MSL2: variants seen among roughly 807,000 people sequenced by gnomAD.
MSL2 encodes the protein E3 ubiquitin-protein ligase MSL2.
In MSL2, 2 loss-of-function variants were observed where a neutral mutation model predicts 35.8. The observed-to-expected ratio is 0.06, with a 90% CI of 0.02 to 0.18. The LOEUF (loss-of-function observed/expected upper bound fraction) is 0.18. Ranked by LOEUF, MSL2 falls within the 10% of genes least tolerant of loss-of-function variation. The probability of loss-of-function intolerance (pLI) is 1.00; values close to 1 mark genes in which losing one functional copy is unlikely to be tolerated. For missense variants in MSL2, 523 were observed against 706.7 expected, an observed-to-expected ratio of 0.74 and a Z score of 2.95; for synonymous variants, 296 against 255.7, an observed-to-expected ratio of 1.16 and a Z score of -1.50.
At chr3:136,160,442 T>C (rs945823321) in intron 1 of MSL2, among the ~76,000 whole-genome samples, 6 of 116,440 alleles carry the variant, frequency 5.2e-5, no homozygotes, top group Non-Finnish European at 7.0e-5. Flanking sequence ...AAAAAAACAA[T>C]GCAAGCCAGG....
intron 1 of MSL2, among the ~76,000 whole-genome samples, chr3:136,179,855 CAAGAG>C (rs1940285993): frequency 6.6e-6 from 1 of 152,102 alleles, no homozygotes; most frequent in Non-Finnish European, 1.5e-5. Flanking sequence ...CACCTGAGGT[CAAGAG>C]TTTGAGATCA....
intron 1 of MSL2, among the ~76,000 whole-genome samples, chr3:136,192,233 T>A (rs1050390700): frequency 2.0e-5 from 3 of 152,150 alleles, no homozygotes; most frequent in Admixed American, 6.5e-5. Flanking sequence ...AGTGCAGTGG[T>A]GCGATCTCGG....
intron 1 of MSL2, among the ~76,000 whole-genome samples, chr3:136,179,990 A>G (rs376366629): frequency 4.0e-4 from 61 of 152,264 alleles, no homozygotes; most frequent in East Asian, 3.1e-3. Flanking sequence ...ACTTGAACCC[A>G]GGAGGCAGAG....
intron 1 of MSL2, among the ~76,000 whole-genome samples, chr3:136,156,707 T>C (rs185725012): frequency 3.0e-4 from 46 of 152,116 alleles, no homozygotes; most frequent in Non-Finnish European, 7.4e-5. Flanking sequence ...TACAAAAAAT[T>C]AGCCGGGCGT....
At chr3:136,183,050 C>T (rs960844545) in intron 1 of MSL2, among the ~76,000 whole-genome samples, 2 of 152,142 alleles carry the variant, frequency 1.3e-5, no homozygotes, top group Non-Finnish European at 2.9e-5. Flanking sequence ...AGTAACTTAG[C>T]CTCATCCCAG....
rs1203763192 is a variant in MSL2, at chr3:136,180,798, G to GA, written c.142+14173dup. On this transcript the variant is annotated intron_variant, in intron 1 of 1. Coordinates refer to ENST00000309993, the MANE Select transcript of MSL2 (RefSeq NM_018133.4). Reference sequence around the variant, plus strand: ...GGAGGGAGGGAGGGAGGGAGGGAGGGAGGGAGGGAGGGAAGGAGGGAAGGA... The same window carrying GA: ...GGAGGGAGGGAGGGAGGGAGGGAGGGAAGGGAGGGAGGGAAGGAGGGAAGGA... Among the ~76,000 whole-genome samples, 490 of 89,724 alleles carry GA rather than the reference G, an allele frequency of 5.5e-3. 16 individuals are homozygous for GA. Among genetic ancestry groups the GA allele is most frequent in the African/African-American group, 0.015 (365 of 23,926 alleles). The allele number at this position is 89,724 out of a possible 152,430, so 58.9% of individuals were successfully genotyped here. A position where few individuals can be genotyped will look rare whatever the true frequency, so the allele number is the denominator to read the frequency against.
intron 1 of MSL2, among the ~76,000 whole-genome samples, chr3:136,158,927 C>CA (rs1489491899): frequency 1.3e-5 from 2 of 152,154 alleles, no homozygotes; most frequent in Non-Finnish European, 2.9e-5. Flanking sequence ...CTCAGCACTA[C>CA]AAAACACAGC....
chr3:136,194,842 G>C (rs1409346305), intron 1 of MSL2, 130 bp downstream of exon 1: 4 of 1,401,452 alleles, frequency 2.9e-6, no homozygotes, highest in Admixed American at 2.3e-5. Flanking sequence ...CAAAACTAAT[G>C]ACCGTACAGC....
rs113210159 is a variant in MSL2 at position 136,162,238 on chromosome 3, A to G, written c.143-9500T>C. Among the ~76,000 whole-genome samples, 1,197 of 150,776 alleles carry G rather than the reference A, an allele frequency of 7.9e-3. 25 individuals carry two copies. Among genetic ancestry groups the G allele is most frequent in the African/African-American group, 0.026 (1,085 of 41,082 alleles). ...GGCATGAGCCACAACACCTGGCCCTATATATGCATTTGAAAAGATAAACCA... is the reference window on the plus strand; with the variant it reads ...GGCATGAGCCACAACACCTGGCCCTGTATATGCATTTGAAAAGATAAACCA... On this transcript the variant is annotated intron_variant, in intron 1 of 1. Transcript: ENST00000309993.
rs371730438 is a variant in MSL2, at chr3:136,165,207, C to CA, written c.143-12470dup. ...TTAAAAAAAAATGTAAAGTTCGTGACAAAAAAAAAAAAAAAAAGTCTCACT... is the reference window on the plus strand; with the variant it reads ...TTAAAAAAAAATGTAAAGTTCGTGACAAAAAAAAAAAAAAAAAAGTCTCACT... On this transcript the variant is annotated intron_variant, in intron 1 of 1. Transcript: ENST00000309993. Among the ~76,000 whole-genome samples the CA allele has an allele frequency of 8.1e-3, 480 of 59,270 alleles. 5 individuals carry two copies. Among genetic ancestry groups the CA allele is most frequent in the African/African-American group, 0.016 (268 of 17,046 alleles). 38.9% of individuals were successfully genotyped at this position (59,270 alleles called of 152,430 possible).
chr3:136,162,046 T>C (rs544568830), intron 1 of MSL2, among the ~76,000 whole-genome samples: 94 of 151,874 alleles, frequency 6.2e-4, no homozygotes, highest in African/African-American at 2.2e-3. Context: ...CAAGCAATTC[T>C]CCTGCCTCAG....
chr3:136,190,361 A>G (rs910369651), intron 1 of MSL2, among the ~76,000 whole-genome samples: 4 of 152,150 alleles, frequency 2.6e-5, no homozygotes, highest in Non-Finnish European at 4.4e-5. Context: ...ACCAATCTAG[A>G]CAACACAGCA....
intron 1 of MSL2, among the ~76,000 whole-genome samples, chr3:136,189,029 T>C (rs1940602899): frequency 1.3e-5 from 2 of 148,150 alleles, no homozygotes; most frequent in Non-Finnish European, 3.0e-5. Flanking sequence ...TTTAGAACTT[T>C]TATAGATTTT....
intron 1 of MSL2, among the ~76,000 whole-genome samples, chr3:136,170,280 G>T (rs1184231239): frequency 1.4e-5 from 2 of 146,236 alleles, no homozygotes; most frequent in Admixed American, 6.9e-5. Flanking sequence ...TTGAGCCCAG[G>T]AGGCAGAAGC....
chr3:136,152,990 A>G, intron 1 of MSL2: 1 of 985,432 alleles, frequency 1.0e-6, no homozygotes, highest in East Asian at 1.1e-4. Context: ...CCCAAGCAAT[A>G]CGTTCTGGTC....
At chr3:136,173,154 C>CTT (rs1267497577) in intron 1 of MSL2, among the ~76,000 whole-genome samples, 5 of 152,142 alleles carry the variant, frequency 3.3e-5, no homozygotes, top group Admixed American at 1.3e-4. Flanking sequence ...CAGAGCAAGA[C>CTT]TTTGTCTCAA....
chr3:136,193,900 T>C (rs556037944), intron 1 of MSL2, among the ~76,000 whole-genome samples: 11 of 152,204 alleles, frequency 7.2e-5, no homozygotes, highest in Non-Finnish European at 1.0e-4. Flanking sequence ...CTGCACCCAT[T>C]CAGTGTCTTG....
chr3:136,180,791 AGGGAGGGAGGGAGGGAGGGAAGGAG>A lies in MSL2; in HGVS notation c.142+14156_142+14180del, dbSNP rs1940326131. 5.9e-5 allele frequency among the ~76,000 whole-genome samples: 4 copies of A among 68,344 alleles called. 1 individual carries two copies. The highest frequency in any genetic ancestry group is 1.6e-4 in the Admixed American group (1 of 6,270). 44.8% of individuals were successfully genotyped at this position (68,344 alleles called of 152,430 possible). A position where few individuals can be genotyped will look rare whatever the true frequency, so the allele number is the denominator to read the frequency against. On this transcript the variant is annotated intron_variant, in intron 1 of 1. Coordinates refer to ENST00000309993, the MANE Select transcript of MSL2 (RefSeq NM_018133.4). ...GAGGGAGGGAGGGAGGGAGGGAGGG[AGGGAGGGAGGGAGGGAGGGAAGGAG>A]GGAAGGAAGGAAGGAAGGAAGGAAG...
rs1011806345 is a variant in MSL2, at chr3:136,195,591, G to C, written c.-478C>G. ...CTGCAGGGCCTCTTACTCCATCCCAGTACAGGGCGCGGAGGCGGCGGCGAC... is the reference window on the plus strand; with the variant it reads ...CTGCAGGGCCTCTTACTCCATCCCACTACAGGGCGCGGAGGCGGCGGCGAC... On this transcript the variant is annotated 5_prime_UTR_variant, in exon 1 of 2. Coordinates refer to ENST00000309993, the MANE Select transcript of MSL2 (RefSeq NM_018133.4). 1.4e-5 allele frequency: 14 copies of C among 987,274 alleles called. No individual in the cohort carries two copies. The highest frequency in any genetic ancestry group is 1.7e-5 in the Non-Finnish European group (14 of 831,290). 61.2% of individuals were successfully genotyped at this position (987,274 alleles called of 1,614,324 possible).
Sources: allele counts gnomAD v4.1 joint callset (sites outside exome capture counted in the v4.1 genomes callset), GRCh38; gene constraint gnomAD v4.1.1; transcripts MANE v1.5; gene names NCBI Gene and HGNC (gene_info 2026-07-23, HGNC 2026-07-21).